The following NUDCD3 variants were observed in gnomAD, a reference collection of about 807,000 sequenced individuals.
NUDCD3 encodes the protein nudC domain-containing protein 3.
Under a neutral mutation model 39.7 loss-of-function variants are expected in NUDCD3, and 13 were observed. The ratio of observed to expected loss-of-function variants is 0.33; its 90% confidence interval spans 0.21 to 0.52. NUDCD3 has a LOEUF of 0.52. Ranked by LOEUF, NUDCD3 falls within the 20% of genes least tolerant of loss-of-function variation. NUDCD3 has a pLI of 0.96. For missense variants in NUDCD3, 453 were observed against 458.1 expected (o/e 0.99, Z 0.10); for synonymous variants, 175 against 172.4 (o/e 1.02, Z -0.12).
At chr7:44,438,730 G>A (rs753121343) in intron 2 of NUDCD3, among the ~76,000 whole-genome samples, 1 of 152,114 alleles carries the variant, frequency 6.6e-6, no homozygotes, top group Non-Finnish European at 1.5e-5. Context: ...TTTTCAAAGG[G>A]GAGGTATAAA....
intron 2 of NUDCD3, among the ~76,000 whole-genome samples, chr7:44,476,944 A>G (rs1358767250): frequency 6.6e-6 from 1 of 152,184 alleles, no homozygotes; most frequent in African/African-American, 2.4e-5. Context: ...CCAAGTCAGG[A>G]GGGAGCAGCC....
rs1798385844 is a variant in NUDCD3, at chr7:44,385,458, G to C, written c.*553C>G. 1 of 153,692 alleles carries C rather than the reference G, an allele frequency of 6.5e-6. No homozygotes were observed. The highest frequency in any genetic ancestry group is 1.4e-5 in the Non-Finnish European group (1 of 69,234). The allele number at this position is 153,692 out of a possible 1,614,324, so 9.5% of individuals were successfully genotyped here. ...GAGGCAGGCAAAGCACATTTATAAG[G>C]GGATGAGCAAGAAGACCACGTGAAT... On this transcript the variant is annotated 3_prime_UTR_variant, in exon 6 of 6. Coordinates refer to ENST00000355451, the MANE Select transcript of NUDCD3 (RefSeq NM_015332.4).
At chr7:44,432,237 G>C (rs1799378489) in intron 2 of NUDCD3, among the ~76,000 whole-genome samples, 1 of 152,160 alleles carries the variant, frequency 6.6e-6, no homozygotes, top group African/African-American at 2.4e-5. Flanking sequence ...AACTATGATT[G>C]TACCACTGCA....
chr7:44,490,574 A>G lies in NUDCD3; in HGVS notation c.27T>C (p.Tyr9=). Residue 9 remains tyrosine, a synonymous_variant, in exon 1 of 6, where the codon TAT becomes TAC. Coordinates refer to ENST00000355451, the MANE Select transcript of NUDCD3 (RefSeq NM_015332.4). METGAAEL[Y]DQALLGILQH... is the part of the protein sequence containing the mutation. ...GCAGGATGCCCAAAAGGGCCTGGTC[A>G]TACAGCTCGGCCGCCCCTGTCTCCA... The G allele has an allele frequency of 6.2e-7, 1 of 1,610,892 alleles. No individual in the cohort carries two copies. Among genetic ancestry groups the G allele is most frequent in the Non-Finnish European group, 8.5e-7 (1 of 1,178,662 alleles).
chr7:44,430,618 G>A (rs939170328), intron 2 of NUDCD3, among the ~76,000 whole-genome samples: 5 of 148,054 alleles, frequency 3.4e-5, no homozygotes, highest in Non-Finnish European at 7.4e-5. Context: ...GACCAACATG[G>A]CCCCAGCACT....
chr7:44,454,394 C>G lies in NUDCD3; in HGVS notation c.510-26691G>C, dbSNP rs577927891. 2.0e-5 allele frequency among the ~76,000 whole-genome samples: 3 copies of G among 152,278 alleles called. No individual in the cohort carries two copies. The South Asian group carries it at 6.2e-4, about 32-fold the overall frequency. ...ATGTCAAAATAGTTGGCAAAGAGCA[C>G]AAGAATAGAATGATCTCCTGGTCTA... On this transcript the variant is annotated intron_variant, in intron 2 of 5. Coordinates refer to ENST00000355451, the MANE Select transcript of NUDCD3 (RefSeq NM_015332.4).
chr7:44,419,746 C>A (rs1181163766), intron 3 of NUDCD3, among the ~76,000 whole-genome samples: 1 of 151,992 alleles, frequency 6.6e-6, no homozygotes, highest in Non-Finnish European at 1.5e-5. Context: ...AGCAGACCTG[C>A]AGAAGAGGGG....
intron 3 of NUDCD3, among the ~76,000 whole-genome samples, chr7:44,414,687 C>G (rs1323189859): frequency 1.3e-5 from 2 of 152,100 alleles, no homozygotes; most frequent in Non-Finnish European, 2.9e-5. Context: ...GTTATGCACT[C>G]AAAAATTATG....
At chr7:44,427,399 A>AT (rs1223095228) in intron 3 of NUDCD3, among the ~76,000 whole-genome samples, 172 bp downstream of exon 3, 7 of 152,178 alleles carry the variant, frequency 4.6e-5, no homozygotes, top group African/African-American at 1.7e-4. Flanking sequence ...CACAAACAGA[A>AT]TAAGGGGAGC....
chr7:44,464,373 G>A (rs1002660900), intron 2 of NUDCD3, among the ~76,000 whole-genome samples: 3 of 151,860 alleles, frequency 2.0e-5, no homozygotes, highest in South Asian at 2.1e-4. Context: ...TTCATTTCAC[G>A]GCCTCTGGGT....
intron 2 of NUDCD3, among the ~76,000 whole-genome samples, chr7:44,461,411 G>A (rs141056363): frequency 1.3e-5 from 2 of 152,302 alleles, no homozygotes; most frequent in African/African-American, 4.8e-5. Context: ...GGATAGAAGG[G>A]CAAGCTGCAT....
intron 4 of NUDCD3, among the ~76,000 whole-genome samples, chr7:44,393,278 G>T (rs899283137): frequency 2.6e-5 from 4 of 152,188 alleles, no homozygotes; most frequent in African/African-American, 9.6e-5. Context: ...GCAGCACCCA[G>T]CATTTAAGAT....
intron 2 of NUDCD3, among the ~76,000 whole-genome samples, chr7:44,442,309 C>A (rs1260114577): frequency 6.6e-6 from 1 of 152,158 alleles, no homozygotes; most frequent in Admixed American, 6.5e-5. Flanking sequence ...AAGGTTGGGA[C>A]AGGGAACAAT....
intron 4 of NUDCD3, among the ~76,000 whole-genome samples, chr7:44,393,412 C>T (rs1798557361): frequency 6.6e-6 from 1 of 152,164 alleles, no homozygotes; most frequent in Admixed American, 6.5e-5. Flanking sequence ...ACCCTGGCTG[C>T]TTGGCCTGTC....
At chr7:44,399,708 C>T (rs1232751785) in intron 4 of NUDCD3, among the ~76,000 whole-genome samples, 1 of 152,180 alleles carries the variant, frequency 6.6e-6, no homozygotes, top group East Asian at 1.9e-4. Context: ...CCAGAAACAA[C>T]TCATCCACCA....
rs139184846 is a variant in NUDCD3 at position 44,426,170 on chromosome 7, G to C, written c.642+1401C>G. 71 of 985,422 alleles carry C rather than the reference G, an allele frequency of 7.2e-5. No individual in the cohort carries two copies. In the East Asian group the frequency reaches 6.4e-3, roughly 88 times the overall value. The allele number at this position is 985,422 out of a possible 1,614,324, so 61.0% of individuals were successfully genotyped here. A position where few individuals can be genotyped will look rare whatever the true frequency, so the allele number is the denominator to read the frequency against. ...ACCCATGACCTGATGTAGTTTAAAG[G>C]GGGGTGACCGGGTGTTTGTAGCTGA... is the stretch of plus-strand genomic sequence containing the variant. On this transcript the variant is annotated intron_variant, in intron 3 of 5. Transcript: ENST00000355451.
chr7:44,463,935 C>T (rs1032920393), intron 2 of NUDCD3, among the ~76,000 whole-genome samples: 4 of 152,220 alleles, frequency 2.6e-5, no homozygotes, highest in Admixed American at 6.5e-5. Flanking sequence ...ATTTCCTGGC[C>T]GGGCACAGTG....
chr7:44,425,689 C>T (rs1241978104), intron 3 of NUDCD3, among the ~76,000 whole-genome samples: 4 of 152,046 alleles, frequency 2.6e-5, no homozygotes, highest in Non-Finnish European at 5.9e-5. Flanking sequence ...CAGCAGGACC[C>T]TATCTCTACA....
chr7:44,466,225 C>T (rs969650685), intron 2 of NUDCD3, among the ~76,000 whole-genome samples: 2 of 152,140 alleles, frequency 1.3e-5, no homozygotes, highest in African/African-American at 4.8e-5. Flanking sequence ...TCATCCCATC[C>T]CCTGAGCCAC....
Sources: gnomAD v4.1 joint callset for allele counts (sites outside exome capture counted in the v4.1 genomes callset) on GRCh38, gnomAD v4.1.1 for gene constraint, MANE v1.5 for transcripts, NCBI Gene and HGNC (gene_info 2026-07-23, HGNC 2026-07-21) for gene names.